The following DLGAP1 variants were observed in gnomAD, a reference collection of about 807,000 sequenced individuals.
The protein encoded by DLGAP1 is disks large-associated protein 1.
DLGAP1 carries 11 observed loss-of-function variants against 90.8 expected under a neutral mutation model. The ratio of observed to expected loss-of-function variants is 0.12; its 90% CI spans 0.08 to 0.20. The LOEUF (loss-of-function observed/expected upper bound fraction) is 0.20, where lower values mean the gene tolerates loss of function less well. Ranked by LOEUF, DLGAP1 falls within the 10% of genes least tolerant of loss-of-function variation. The pLI, the probability that DLGAP1 is intolerant of heterozygous loss-of-function variation, is 1.00. For synonymous variants in DLGAP1, 558 were observed against 540.7 expected (o/e 1.03, Z -0.44); for missense variants, 1,050 against 1,333.8 (o/e 0.79, Z 3.31).
intron 3 of DLGAP1, among the ~76,000 whole-genome samples, chr18:3,989,027 C>T (rs935066706): frequency 6.6e-6 from 1 of 152,210 alleles, no homozygotes; most frequent in Non-Finnish European, 1.5e-5. Flanking sequence ...CCCGGCTGCT[C>T]CCTCCTGCCT....
At chr18:3,519,623 A>G (rs612949) in intron 10 of DLGAP1, among the ~76,000 whole-genome samples, 110,037 of 152,074 alleles carry the variant, frequency 0.72, 40,028 homozygotes, top group South Asian at 0.8. Context: ...GTGGGGCATT[A>G]GGAGGTGATT....
chr18:4,194,251 C>T (rs539499480), intron 1 of DLGAP1, among the ~76,000 whole-genome samples: 4 of 152,220 alleles, frequency 2.6e-5, no homozygotes, highest in South Asian at 2.1e-4. Flanking sequence ...ACTGAAAGCA[C>T]GCAGTATTTG....
chr18:4,179,216 T>G (rs1370542293), intron 1 of DLGAP1, among the ~76,000 whole-genome samples: 1 of 152,188 alleles, frequency 6.6e-6, no homozygotes, highest in South Asian at 2.1e-4. Flanking sequence ...TGATGAGGAT[T>G]ATGAAACATC....
chr18:3,508,786 C>T (rs1330690751), intron 10 of DLGAP1, 125 bp from the exon 11 acceptor site: 1 of 674,978 alleles, frequency 1.5e-6, no homozygotes, highest in African/African-American at 1.8e-5. Context: ...ACACTGAACA[C>T]TCATGCCCAC....
At chr18:4,016,125 A>G (rs533548936) in intron 2 of DLGAP1, among the ~76,000 whole-genome samples, 30 of 152,318 alleles carry the variant, frequency 2.0e-4, no homozygotes, top group African/African-American at 6.5e-4. Flanking sequence ...CCTTTCCAGT[A>G]TGACTGAATA....
chr18:4,332,236 G>A (rs990923544), intron 1 of DLGAP1, among the ~76,000 whole-genome samples: 1 of 151,790 alleles, frequency 6.6e-6, no homozygotes, highest in Admixed American at 6.6e-5. Context: ...ATACATGTAC[G>A]GTTAACAAGA....
rs896859422 is a variant in DLGAP1, at chr18:4,454,694, G to T, written c.-267+312C>A. 3.3e-5 allele frequency among the ~76,000 whole-genome samples: 5 copies of T among 152,000 alleles called. No individual in the cohort carries two copies. The highest frequency in any genetic ancestry group is 1.2e-4 in the African/African-American group (5 of 41,414). ...GTGTTCTCCTCCCCTCCCCCTTCCG[G>T]GACCCTGTCGCAATTAGAAATCCTT... On this transcript the variant is annotated intron_variant, in intron 1 of 12. Transcript: ENST00000315677. The surrounding 1 kb of genome is among the most constrained non-coding windows in gnomAD (Gnocchi z 4.7).
At chr18:3,583,172 A>ACCTTCCTTCCTTCCTTCCTT (rs1392523480) in intron 7 of DLGAP1, among the ~76,000 whole-genome samples, 1 of 124,736 alleles carries the variant, frequency 8.0e-6, no homozygotes, top group Non-Finnish European at 1.7e-5. Flanking sequence ...CTACCTACCT[A>ACCTTCCTTCCTTCCTTCCTT]CCTACCTACC....
intron 1 of DLGAP1, among the ~76,000 whole-genome samples, chr18:4,318,909 T>C (rs539458091): frequency 6.6e-6 from 1 of 152,362 alleles, no homozygotes; most frequent in African/African-American, 2.4e-5. Flanking sequence ...AGGAGGAATA[T>C]GTTCAAAAGA....
intron 4 of DLGAP1, among the ~76,000 whole-genome samples, chr18:3,828,753 A>G (rs1309599886): frequency 6.6e-6 from 1 of 151,998 alleles, no homozygotes; most frequent in Non-Finnish European, 1.5e-5. Flanking sequence ...TTCAATGTCA[A>G]TATGAAATAT....
intron 1 of DLGAP1, among the ~76,000 whole-genome samples, chr18:4,332,784 T>C (rs1158812752): frequency 6.6e-6 from 1 of 151,966 alleles, no homozygotes; most frequent in Non-Finnish European, 1.5e-5. Flanking sequence ...AAAGTGTGAT[T>C]TTACATTTAA....
At chr18:3,976,229 A>AATTG (rs1447789134) in intron 3 of DLGAP1, among the ~76,000 whole-genome samples, 6,040 of 149,610 alleles carry the variant, frequency 0.04, 200 homozygotes, top group Middle Eastern at 0.11. Context: ...AACGATAATT[A>AATTG]GCCAGGTGTG....
At chr18:3,520,848 C>T (rs1425556801) in intron 10 of DLGAP1, among the ~76,000 whole-genome samples, 1 of 152,202 alleles carries the variant, frequency 6.6e-6, no homozygotes, top group African/African-American at 2.4e-5. Context: ...TCCATTGTCT[C>T]CACTCCCTGC....
chr18:3,836,936 T>C (rs1273734103), intron 4 of DLGAP1, among the ~76,000 whole-genome samples: 3 of 152,162 alleles, frequency 2.0e-5, no homozygotes, highest in Non-Finnish European at 2.9e-5. Context: ...TAAATACAAA[T>C]GATGAACAAT....
intron 7 of DLGAP1, among the ~76,000 whole-genome samples, chr18:3,629,152 C>A (rs2058424430): frequency 6.6e-6 from 1 of 152,072 alleles, no homozygotes; most frequent in South Asian, 2.1e-4. Context: ...TTTTTTGTGG[C>A]CAGGCACAGT....
At chr18:4,032,412 T>C (rs1159092305) in intron 2 of DLGAP1, among the ~76,000 whole-genome samples, 3 of 152,062 alleles carry the variant, frequency 2.0e-5, no homozygotes, top group Admixed American at 2.0e-4. Flanking sequence ...ATACCTTGGT[T>C]TTTCCCCAAT....
chr18:3,563,774 G>A (rs1483545896), intron 9 of DLGAP1, among the ~76,000 whole-genome samples: 1 of 152,026 alleles, frequency 6.6e-6, no homozygotes, highest in African/African-American at 2.4e-5. Flanking sequence ...CAGCTGATCT[G>A]GCTTTTTATC....
intron 1 of DLGAP1, among the ~76,000 whole-genome samples, chr18:4,154,217 C>T (rs2076719085): frequency 6.6e-6 from 1 of 151,006 alleles, no homozygotes; most frequent in African/African-American, 2.4e-5. Context: ...TGCACCACCA[C>T]ACCCGGCTAT....
At chr18:4,031,999 C>G (rs901105473) in intron 2 of DLGAP1, among the ~76,000 whole-genome samples, 35 of 152,252 alleles carry the variant, frequency 2.3e-4, no homozygotes, top group African/African-American at 8.2e-4. Context: ...GAGTAACAAG[C>G]AAAATTATCC....
Sources: gnomAD v4.1 joint callset for allele counts (sites outside exome capture counted in the v4.1 genomes callset) on GRCh38, gnomAD v4.1.1 for gene constraint, Gnocchi (gnomAD v3.1) non-coding constraint, MANE v1.5 for transcripts, NCBI Gene and HGNC (gene_info 2026-07-23, HGNC 2026-07-21) for gene names.